ZDHHC21: variants seen among roughly 807,000 people sequenced by gnomAD.
The protein encoded by ZDHHC21 is palmitoyltransferase ZDHHC21.
In ZDHHC21, 15 loss-of-function variants were observed where a neutral mutation model predicts 34.6. The observed-to-expected ratio is 0.43, with a 90% confidence interval of 0.29 to 0.67. The LOEUF is 0.67. Among genes scored for constraint, ZDHHC21 ranks in the 30% least tolerant of loss-of-function variants. ZDHHC21 has a pLI of 0.14. For synonymous variants in ZDHHC21, 142 were observed against 101.8 expected, an observed-to-expected ratio of 1.40 and a Z score of -2.38; for missense variants, 344 against 327.7, an observed-to-expected ratio of 1.05 and a Z score of -0.38.
chr9:14,683,809 A>T (rs1342713813), intron 2 of ZDHHC21: 1 of 152,198 alleles, frequency 6.6e-6, no homozygotes, highest in Non-Finnish European at 1.5e-5. Context: ...TCAGTAAAAT[A>T]CTGGCAAACC....
rs143588638 is a variant in ZDHHC21 at position 14,612,843 on chromosome 9, T to TACACACACACACAC, written c.*6109_*6122dup. 26 of 143,334 alleles carry TACACACACACACAC rather than the reference T, an allele frequency of 1.8e-4. No individual in the cohort carries two copies. The highest frequency in any genetic ancestry group is 6.4e-4 in the African/African-American group (25 of 38,776). 8.9% of individuals were successfully genotyped at this position (143,334 alleles called of 1,614,324 possible). Reference sequence around the variant, plus strand: ...ATTATTCTTTAAAGCCACTAAAGATTACACACACACACACACACACACACA... The same window carrying TACACACACACACAC: ...ATTATTCTTTAAAGCCACTAAAGATTACACACACACACACACACACACACACACACACACACACA... On this transcript the variant is annotated 3_prime_UTR_variant, in exon 10 of 10. Transcript: ENST00000380916.
intron 6 of ZDHHC21, 37 bp downstream of exon 6, chr9:14,662,178 A>C (rs1833516389): frequency 1.4e-6 from 2 of 1,423,738 alleles, no homozygotes; most frequent in South Asian, 2.5e-5. Flanking sequence ...TTTATTACCC[A>C]CCCCTCTTTT....
chr9:14,636,167 A>T (rs1828270691), intron 8 of ZDHHC21, among the ~76,000 whole-genome samples: 1 of 152,196 alleles, frequency 6.6e-6, no homozygotes, highest in Admixed American at 6.5e-5. Flanking sequence ...TGCTGCCTAC[A>T]AAACATTCAT....
chr9:14,608,497 A>T (rs1222447307), downstream of ZDHHC21, among the ~76,000 whole-genome samples: 4 of 152,276 alleles, frequency 2.6e-5, no homozygotes, highest in East Asian at 7.7e-4. Context: ...TGGCTTTCTT[A>T]AAAAATGCAA....
chr9:14,662,551 C>T (rs902684010), intron 5 of ZDHHC21, among the ~76,000 whole-genome samples: 2 of 152,132 alleles, frequency 1.3e-5, no homozygotes, highest in East Asian at 1.9e-4. Context: ...AAATAAGACA[C>T]TATTGTTATA....
At chr9:14,689,250 A>G (rs1007877004) in intron 2 of ZDHHC21, among the ~76,000 whole-genome samples, 1 of 152,228 alleles carries the variant, frequency 6.6e-6, no homozygotes, top group African/African-American at 2.4e-5. Flanking sequence ...AATAGAATGA[A>G]TGAACTGAAG....
chr9:14,593,625 C>T, the ZDHHC21 span: 1 of 152,212 alleles, frequency 6.6e-6, no homozygotes, highest in Non-Finnish European at 1.5e-5. Flanking sequence ...ACAAGGAAGA[C>T]ATGAAAGGAG....
Position 14,664,884 on chromosome 9 carries a change from C to A in ZDHHC21, c.254-2558G>T, listed in dbSNP as rs551301825. 9.2e-5 allele frequency among the ~76,000 whole-genome samples: 14 copies of A among 151,460 alleles called. No individual in the cohort carries two copies. The East Asian group carries it at 2.5e-3, about 27-fold the overall frequency. ...ATCAAAGACCAAAAGTAGATAAAAT[C>A]ACAAAGATGGGGAAAAAACAGAACA... On this transcript the variant is annotated intron_variant, in intron 5 of 9. Coordinates refer to ENST00000380916, the MANE Select transcript of ZDHHC21 (RefSeq NM_178566.6).
chr9:14,653,720 CAT>C (rs1587160279), intron 7 of ZDHHC21, among the ~76,000 whole-genome samples: 1 of 151,980 alleles, frequency 6.6e-6, no homozygotes, highest in East Asian at 1.9e-4. Flanking sequence ...ATACTGTTTA[CAT>C]AGACTATGAT....
intron 5 of ZDHHC21, among the ~76,000 whole-genome samples, chr9:14,665,370 G>C (rs1834226082): frequency 2.9e-5 from 4 of 139,946 alleles, no homozygotes; most frequent in Admixed American, 2.2e-4. Flanking sequence ...ATCTACGTCT[G>C]ATTGGTGTAC....
chr9:14,690,670 A>G (rs1839028415), intron 1 of ZDHHC21, among the ~76,000 whole-genome samples: 1 of 152,196 alleles, frequency 6.6e-6, no homozygotes, highest in Admixed American at 6.5e-5. Context: ...CTAAAGAGCA[A>G]AACAAACACA....
intron 8 of ZDHHC21, among the ~76,000 whole-genome samples, chr9:14,623,744 C>T (rs1004105865): frequency 2.0e-5 from 3 of 151,164 alleles, no homozygotes; most frequent in African/African-American, 2.4e-5. Flanking sequence ...AAATGTTCAA[C>T]ACCACTAGCC....
chr9:14,598,395 G>C, the ZDHHC21 span, among the ~76,000 whole-genome samples: 1 of 152,062 alleles, frequency 6.6e-6, no homozygotes. Context: ...TGCCCACTCA[G>C]AATCAAAACC....
At chr9:14,664,134 G>C (rs1030011872) in intron 5 of ZDHHC21, among the ~76,000 whole-genome samples, 1 of 152,244 alleles carries the variant, frequency 6.6e-6, no homozygotes, top group Admixed American at 6.5e-5. Context: ...GACAGTGGGC[G>C]CAGGCCAGCG....
intron 7 of ZDHHC21, among the ~76,000 whole-genome samples, chr9:14,653,580 ACCT>A (rs1831638846): frequency 1.3e-5 from 2 of 151,648 alleles, no homozygotes; most frequent in African/African-American, 4.8e-5. Flanking sequence ...CCCAGCAATG[ACCT>A]CCTTCATCTC....
intron 7 of ZDHHC21, among the ~76,000 whole-genome samples, chr9:14,646,539 G>C (rs750887016): frequency 1.1e-4 from 16 of 152,042 alleles, no homozygotes; most frequent in Non-Finnish European, 2.1e-4. Context: ...AGGAGAGGAA[G>C]AGTCAGACCA....
chr9:14,678,872 A>C (rs1182377744), intron 3 of ZDHHC21, among the ~76,000 whole-genome samples: 1 of 152,154 alleles, frequency 6.6e-6, no homozygotes, highest in East Asian at 1.9e-4. Context: ...AGGCAGATTT[A>C]GATCTGCATA....
intron 3 of ZDHHC21, among the ~76,000 whole-genome samples, chr9:14,676,995 G>C (rs1836514395): frequency 6.6e-6 from 1 of 151,892 alleles, no homozygotes; most frequent in Non-Finnish European, 1.5e-5. Flanking sequence ...ATTAACATTA[G>C]AAGCAGAAAA....
At chr9:14,619,948 A>T (rs968059445) in intron 8 of ZDHHC21, among the ~76,000 whole-genome samples, 10 of 152,056 alleles carry the variant, frequency 6.6e-5, no homozygotes, top group African/African-American at 2.2e-4. Context: ...TCATTAAAAT[A>T]TAACCTTTTA....
Sources: allele counts gnomAD v4.1 joint callset (sites outside exome capture counted in the v4.1 genomes callset), GRCh38; gene constraint gnomAD v4.1.1; transcripts MANE v1.5; gene names NCBI Gene and HGNC (gene_info 2026-07-23, HGNC 2026-07-21).